The following PIEZO2 variants were observed in gnomAD, a reference collection of about 807,000 sequenced individuals.
PIEZO2 encodes the protein piezo type mechanosensitive ion channel component 2.
PIEZO2 carries 172 observed loss-of-function variants against 337.3 expected under a neutral mutation model. The observed-to-expected ratio is 0.51, with a 90% CI of 0.45 to 0.58. PIEZO2 has a LOEUF of 0.58. PIEZO2 is among the 20% of genes least tolerant of loss of function. The pLI is 0.00. For missense variants in PIEZO2, 3,028 were observed against 3,391.3 expected (o/e 0.89, Z 2.66); for synonymous variants, 1,251 against 1,228.5 (o/e 1.02, Z -0.38).
At chr18:10,934,733 G>A (rs2032289571) in intron 3 of PIEZO2, among the ~76,000 whole-genome samples, 1 of 150,208 alleles carries the variant, frequency 6.7e-6, no homozygotes, top group African/African-American at 2.5e-5. Flanking sequence ...TAAACACCTG[G>A]AATAATGGGC....
chr18:10,679,609 G>A (rs374498630), intron 52 of PIEZO2, among the ~76,000 whole-genome samples: 17 of 152,218 alleles, frequency 1.1e-4, no homozygotes, highest in East Asian at 1.9e-4. Context: ...GTGAAAGCAC[G>A]TGGCCAGTTC....
chr18:11,130,488 G>A (rs538668146), intron 1 of PIEZO2, among the ~76,000 whole-genome samples: 6 of 152,264 alleles, frequency 3.9e-5, no homozygotes, highest in South Asian at 2.1e-4. Flanking sequence ...AATCTTATTC[G>A]GAGAGACCTT....
chr18:10,936,733 T>A (rs1029829256), intron 3 of PIEZO2, among the ~76,000 whole-genome samples: 4 of 152,230 alleles, frequency 2.6e-5, no homozygotes, highest in Non-Finnish European at 5.9e-5. Flanking sequence ...CAGTGGAATA[T>A]ATCTTTGCTA....
At position 11,047,796 on chromosome 18, in the gene PIEZO2, G is replaced by A. The variant is rs146312519; in HGVS notation, c.160+18331C>T. On this transcript the variant is annotated intron_variant, in intron 2 of 55. Coordinates refer to ENST00000674853, the MANE Select transcript of PIEZO2 (RefSeq NM_001378183.1). The surrounding 1 kb of genome is among the most constrained non-coding windows in gnomAD (Gnocchi z 7.2). ...AAAGAGCAGTTTTCATTCCGCAGAT[G>A]CTATTAGACCCCAGGGAATGCGAAT... is the stretch of plus-strand genomic sequence containing the variant. Among the ~76,000 whole-genome samples the A allele has an allele frequency of 1.7e-3, 262 of 152,266 alleles. 2 individuals carry two copies. The highest frequency in any genetic ancestry group is 6.8e-3 in the Middle Eastern group (2 of 294).
chr18:11,133,325 T>TA (rs1203444204), intron 1 of PIEZO2, among the ~76,000 whole-genome samples: 1 of 152,166 alleles, frequency 6.6e-6, no homozygotes, highest in African/African-American at 2.4e-5. Context: ...TGGTAGGCGT[T>TA]AAATTATGAC....
rs141385310 is a variant in PIEZO2 at position 11,142,975 on chromosome 18, T to C, written c.64+5550A>G. Among the ~76,000 whole-genome samples the C allele has an allele frequency of 9.0e-3, 1,372 of 151,672 alleles. 28 individuals are homozygous for C. The highest frequency in any genetic ancestry group is 0.031 in the African/African-American group (1,270 of 41,300). ...GCACCTGTAGCCCCAGCTACTCGGG[T>C]GGCTGAGACAGGAGAATGGCATGAA... On this transcript the variant is annotated intron_variant, in intron 1 of 55. Coordinates refer to ENST00000674853, the MANE Select transcript of PIEZO2 (RefSeq NM_001378183.1).
chr18:10,722,436 T>C (rs1202649609), intron 36 of PIEZO2, among the ~76,000 whole-genome samples: 1 of 151,976 alleles, frequency 6.6e-6, no homozygotes, highest in Non-Finnish European at 1.5e-5. Flanking sequence ...TTCACCATAT[T>C]GGCCAAGCTG....
chr18:10,955,667 T>C lies in PIEZO2; in HGVS notation c.286+23868A>G, dbSNP rs993914848. Among the ~76,000 whole-genome samples, 6 of 152,244 alleles carry C rather than the reference T, an allele frequency of 3.9e-5. No homozygotes were observed. In the South Asian group the frequency reaches 8.3e-4, roughly 21 times the overall value. ...GTACCATGTAAGAAGATCTCTACTA[T>C]ATTTTTCACATTTCCACTTCCATTT... On this transcript the variant is annotated intron_variant, in intron 3 of 55. Transcript: ENST00000674853.
intron 1 of PIEZO2, among the ~76,000 whole-genome samples, chr18:11,137,747 C>T (rs2040531446): frequency 6.6e-6 from 1 of 152,182 alleles, no homozygotes; most frequent in Admixed American, 6.5e-5. Context: ...CGTGGTGCTT[C>T]AGTTCAAGAT....
chr18:10,987,348 C>T, intron 2 of PIEZO2, among the ~76,000 whole-genome samples: 1 of 152,136 alleles, frequency 6.6e-6, no homozygotes, highest in South Asian at 2.1e-4. Flanking sequence ...ATGATACTTA[C>T]ATAAAAACAG....
At chr18:11,046,673 A>C (rs2037329106) in intron 2 of PIEZO2, among the ~76,000 whole-genome samples, 1 of 152,216 alleles carries the variant, frequency 6.6e-6, no homozygotes, top group Admixed American at 6.5e-5. Flanking sequence ...TGTTCTCCTG[A>C]GGGCCTGGCC....
At chr18:11,060,582 C>G (rs572037179) in intron 2 of PIEZO2, among the ~76,000 whole-genome samples, 1 of 152,258 alleles carries the variant, frequency 6.6e-6, no homozygotes, top group African/African-American at 2.4e-5. Flanking sequence ...GATATCACCA[C>G]CGATCCCACG....
At chr18:10,852,256 T>A (rs1019854535) in intron 7 of PIEZO2, among the ~76,000 whole-genome samples, 3 of 152,220 alleles carry the variant, frequency 2.0e-5, no homozygotes, top group African/African-American at 7.2e-5. Flanking sequence ...ATTCTTTTCT[T>A]ATTAGACTGA....
intron 15 of PIEZO2, among the ~76,000 whole-genome samples, chr18:10,788,432 AAGG>A (rs1222851243): frequency 3.1e-4 from 11 of 35,202 alleles, no homozygotes; most frequent in African/African-American, 1.1e-3. Flanking sequence ...GAAAGAAAGG[AAGG>A]AAGGAAGGAA....
In PIEZO2 at chr18:10,682,387, G is replaced by T. The variant is rs1375333536; in HGVS notation, c.7498-95C>A. The T allele has an allele frequency of 9.0e-7, 1 of 1,110,530 alleles. No individual in the cohort carries two copies. The highest frequency in any genetic ancestry group is 2.6e-5 in the East Asian group (1 of 38,652). 68.8% of individuals were successfully genotyped at this position (1,110,530 alleles called of 1,614,324 possible). ...GGAGAGCGAGTGCTCTTCCTGTGGT[G>T]CTGGGAACATGGATTTGGCCCTGAA... On this transcript the variant is annotated intron_variant, in intron 49 of 55. Coordinates refer to ENST00000674853, the MANE Select transcript of PIEZO2 (RefSeq NM_001378183.1). The surrounding 1 kb of genome is among the most constrained non-coding windows in gnomAD (Gnocchi z 5.6).
chr18:10,807,296 T>C, intron 7 of PIEZO2, 22 bp from the exon 8 acceptor site: 1 of 1,528,480 alleles, frequency 6.5e-7, no homozygotes, highest in Non-Finnish European at 8.8e-7. Flanking sequence ...CAAAGAAAAA[T>C]GCTTAAAAGA....
chr18:11,056,212 G>A (rs1217194018), intron 2 of PIEZO2, among the ~76,000 whole-genome samples: 1 of 152,194 alleles, frequency 6.6e-6, no homozygotes, highest in Non-Finnish European at 1.5e-5. Flanking sequence ...ATTGGGTCCA[G>A]GCTGCCCCTG....
chr18:11,120,317 T>G (rs117743425), intron 1 of PIEZO2, among the ~76,000 whole-genome samples: 6,245 of 151,624 alleles, frequency 0.041, 163 homozygotes, highest in Non-Finnish European at 0.062. Context: ...ACAAAATATG[T>G]TTTTTTTTCT....
intron 2 of PIEZO2, among the ~76,000 whole-genome samples, chr18:11,018,518 C>A (rs1166962221): frequency 1.3e-5 from 2 of 151,312 alleles, no homozygotes; most frequent in Non-Finnish European, 2.9e-5. Context: ...CAGAGTTTGA[C>A]GTAATTGTGG....
Sources: gnomAD v4.1 joint callset for allele counts (sites outside exome capture counted in the v4.1 genomes callset) on GRCh38, gnomAD v4.1.1 for gene constraint, Gnocchi (gnomAD v3.1) non-coding constraint, MANE v1.5 for transcripts, NCBI Gene and HGNC (gene_info 2026-07-23, HGNC 2026-07-21) for gene names.